LRCH4: variants seen among roughly 807,000 people sequenced by gnomAD.
LRCH4 encodes leucine-rich repeat and calponin homology domain-containing protein 4.
In LRCH4, 56 loss-of-function variants were observed where a neutral mutation model predicts 81.2. The ratio of observed to expected loss-of-function variants is 0.69; its 90% CI spans 0.56 to 0.86. The LOEUF (loss-of-function observed/expected upper bound fraction) is 0.86. Ranked by LOEUF, LRCH4 falls within the 40% of genes least tolerant of loss-of-function variation. The probability of loss-of-function intolerance (pLI) is 0.00; values close to 1 mark genes in which losing one functional copy is unlikely to be tolerated. For missense variants in LRCH4, 895 were observed against 922.8 expected (o/e 0.97, Z 0.39); for synonymous variants, 442 against 409.7 (o/e 1.08, Z -0.95).
intron 3 of LRCH4, 63 bp from the exon 4 acceptor site, chr7:100,581,945 A>G (rs1801572867): frequency 1.2e-6 from 2 of 1,609,156 alleles, no homozygotes; most frequent in South Asian, 2.2e-5. Context: ...CCACCCTCCC[A>G]TCTCTGTCTT....
chr7:100,581,975 C>T (rs1462912587), intron 3 of LRCH4, 66 bp downstream of exon 3: 2 of 1,603,790 alleles, frequency 1.2e-6, no homozygotes, highest in Admixed American at 3.4e-5. Context: ...CCCTCCCCAA[C>T]CTCCCCCTAG....
rs776255264 is a variant in LRCH4, at chr7:100,578,453, C to T, written c.794G>A (p.Arg265His). Reference protein sequence around the residue: ...FKYLSTEAGQRGSALGDLAPS... With the variant: ...FKYLSTEAGQHGSALGDLAPS... ...GGCCAGGTCCCCCAGGGCCGACCCA[C>T]GCTGCCCGGCCTCTGTGGACAAATA... The change falls in exon 6 of 18, where the codon CGT becomes CAT. Residue 265 changes from arginine to histidine, a missense_variant. Arg to His is a conservative substitution (Grantham distance 29). This residue lies in a region of LRCH4 where 360 missense variants were observed against 397.0 expected (regional missense o/e 0.91). Coordinates refer to ENST00000310300, the MANE Select transcript of LRCH4 (RefSeq NM_002319.5). The surrounding 1 kb of genome is among the most constrained non-coding windows in gnomAD (Gnocchi z 5.7). 3.5e-5 allele frequency: 56 copies of T among 1,613,952 alleles called. No homozygotes were observed. The highest frequency in any genetic ancestry group is 3.0e-4 in the South Asian group (27 of 91,070).
At position 100,574,299 on chromosome 7, in the gene LRCH4, G is replaced by C. The variant is rs1434312395; in HGVS notation, c.*808C>G. On this transcript the variant is annotated 3_prime_UTR_variant, in exon 18 of 18. Coordinates refer to ENST00000310300, the MANE Select transcript of LRCH4 (RefSeq NM_002319.5). The stretch of plus-strand genomic sequence containing the variant: ...TGGACGACAGCAGCGATGTAGGGGA[G>C]GCCCCTTCCCGGGGCCCCCTCCTCT... The C allele has an allele frequency of 5.6e-6, 1 of 177,068 alleles. No homozygotes were observed. The highest frequency in any genetic ancestry group is 1.3e-5 in the Non-Finnish European group (1 of 79,868). 11.0% of individuals were successfully genotyped at this position (177,068 alleles called of 1,614,324 possible). A position where few individuals can be genotyped will look rare whatever the true frequency, so the allele number is the denominator to read the frequency against.
In LRCH4 at chr7:100,582,220, A is replaced by G. The variant is rs1416343722; in HGVS notation, c.366-53T>C. 1.9e-6 allele frequency: 3 copies of G among 1,613,032 alleles called. No homozygotes were observed. The highest frequency in any genetic ancestry group is 2.5e-6 in the Non-Finnish European group (3 of 1,179,708). ...GGCTCCCCAGGCATGGCATCCCAGC[A>G]CTGCCATCCTCTCGGGGTCACTGGG... On this transcript the variant is annotated intron_variant, in intron 2 of 17. Transcript: ENST00000310300. The surrounding 1 kb of genome is among the most constrained non-coding windows in gnomAD (Gnocchi z 5.0).
Position 100,578,697 on chromosome 7 carries a change from G to C in LRCH4, c.688C>G (p.Gln230Glu), listed in dbSNP as rs1801447881. Residue 230 changes from glutamine to glutamate, a missense_variant, in exon 5 of 18, where the codon CAG becomes GAG. Transcript: ENST00000310300. This position sits in a 1 kb window ranked among gnomAD's most constrained non-coding sequence, Gnocchi z 5.7. ...GGGTTGCTGTCCAGCAGAATGACCT[G>C]CAGGTGCCTCAGGCGGCAGAAGGAG... Reference protein sequence around the residue: ...PVSFCRLRHLQVILLDSNPLQ... With the variant: ...PVSFCRLRHLEVILLDSNPLQ... 6.2e-7 allele frequency: 1 copy of C among 1,614,100 alleles called. No homozygotes were observed. Among genetic ancestry groups the C allele is most frequent in the Admixed American group, 1.7e-5 (1 of 60,006 alleles).
chr7:100,577,757 G>A lies in LRCH4; in HGVS notation c.1040-17C>T. 1 of 1,614,050 alleles carries A rather than the reference G, an allele frequency of 6.2e-7. No homozygotes were observed. Among genetic ancestry groups the A allele is most frequent in the Non-Finnish European group, 8.5e-7 (1 of 1,179,932 alleles). On this transcript the variant is annotated splice_polypyrimidine_tract_variant and intron_variant, in intron 8 of 17. Transcript: ENST00000310300. The surrounding 1 kb of genome is among the most constrained non-coding windows in gnomAD (Gnocchi z 6.7). ...CTCCGTCCGCTGGGGAGGCCAGCAT[G>A]TCAGCAAGTGAGCGGGGACCCAGGC...
In LRCH4 at chr7:100,582,684, T is replaced by C. The variant is rs1801598592; in HGVS notation, c.221-225A>G. Among the ~76,000 whole-genome samples the C allele has an allele frequency of 6.6e-6, 1 of 152,206 alleles. No homozygotes were observed. Among genetic ancestry groups the C allele is most frequent in the African/African-American group, 2.4e-5 (1 of 41,470 alleles). The stretch of plus-strand genomic sequence containing the variant: ...GGCAAAGGCCTTAGCGTCACTGGGC[T>C]AGAGAAGCCTCAGACTTGGGGGTTG... On this transcript the variant is annotated intron_variant, in intron 1 of 17. Coordinates refer to ENST00000310300, the MANE Select transcript of LRCH4 (RefSeq NM_002319.5). This position sits in a 1 kb window ranked among gnomAD's most constrained non-coding sequence, Gnocchi z 5.0.
Position 100,574,687 on chromosome 7 carries a change from A to C in LRCH4, c.*420T>G, listed in dbSNP as rs534114518. On this transcript the variant is annotated 3_prime_UTR_variant, in exon 18 of 18. Transcript: ENST00000310300. ...CGGTCTGTACAGTTTATACACAGAG[A>C]TAGGGACCCGGCCTGGGCCCCGAAC... 1 of 181,082 alleles carries C rather than the reference A, an allele frequency of 5.5e-6. No individual in the cohort carries two copies. Among genetic ancestry groups the C allele is most frequent in the South Asian group, 1.1e-4 (1 of 8,782 alleles). The allele number at this position is 181,082 out of a possible 1,614,324, so 11.2% of individuals were successfully genotyped here.
chr7:100,580,794 CACACAT>C (rs1286373771), intron 4 of LRCH4: 5 of 149,822 alleles, frequency 3.3e-5, no homozygotes, highest in African/African-American at 1.3e-4. Flanking sequence ...CAGACACAGA[CACACAT>C]ACACATGCAC....
chr7:100,577,447 T>TGGGGGGTGGGAGGATC lies in LRCH4; in HGVS notation c.1178+34_1178+49dup. 1 of 1,602,058 alleles carries TGGGGGGTGGGAGGATC rather than the reference T, an allele frequency of 6.2e-7. No homozygotes were observed. The highest frequency in any genetic ancestry group is 8.5e-7 in the Non-Finnish European group (1 of 1,179,638). ...CCCCGGGGTCAGGGAAGGAGGCGGT[T>TGGGGGGTGGGAGGATC]GGGGGGTGGGAGGATCGGGCAGTGG... On this transcript the variant is annotated intron_variant, in intron 10 of 17. Coordinates refer to ENST00000310300, the MANE Select transcript of LRCH4 (RefSeq NM_002319.5). The surrounding 1 kb of genome is among the most constrained non-coding windows in gnomAD (Gnocchi z 6.7).
chr7:100,579,504 G>A (rs1801467754), intron 4 of LRCH4: 1 of 151,866 alleles, frequency 6.6e-6, no homozygotes, highest in African/African-American at 2.4e-5. Context: ...GGCTGAGGCA[G>A]GAGAATGGCG....
In LRCH4 at chr7:100,578,903, C is replaced by A; in HGVS notation, c.599-117G>T. On this transcript the variant is annotated intron_variant, in intron 4 of 17. Coordinates refer to ENST00000310300, the MANE Select transcript of LRCH4 (RefSeq NM_002319.5). This position sits in a 1 kb window ranked among gnomAD's most constrained non-coding sequence, Gnocchi z 5.7. ...ACCCTGGGCCCAGCACAGCCTCTCCCCTGGGTGGCTCAAGTCATTCCCCGG... is the reference window on the plus strand; with the variant it reads ...ACCCTGGGCCCAGCACAGCCTCTCCACTGGGTGGCTCAAGTCATTCCCCGG... 1 of 1,104,536 alleles carries A rather than the reference C, an allele frequency of 9.1e-7. No homozygotes were observed. The highest frequency in any genetic ancestry group is 1.3e-6 in the Non-Finnish European group (1 of 772,974). 68.4% of individuals were successfully genotyped at this position (1,104,536 alleles called of 1,614,324 possible).
At position 100,575,805 on chromosome 7, in the gene LRCH4, A is replaced by G. The variant is rs540537209; in HGVS notation, c.1777-23T>C. On this transcript the variant is annotated intron_variant, in intron 16 of 17. Transcript: ENST00000310300. This position sits in a 1 kb window ranked among gnomAD's most constrained non-coding sequence, Gnocchi z 5.3. ...TGGCTGGGGTGGGTGAAAGAAGAAA[A>G]TGTGGTAAGGGAGAGGCCACAGGCG... The G allele has an allele frequency of 1.7e-5, 28 of 1,607,318 alleles. No individual in the cohort carries two copies. In the South Asian group the frequency reaches 2.8e-4, roughly 16 times the overall value.
rs748664933 is a variant in LRCH4, at chr7:100,575,537, ACATGCAGGGCAGGGGG to A, written c.1854+152_1854+167del. On this transcript the variant is annotated intron_variant, in intron 17 of 17. Transcript: ENST00000310300. This position sits in a 1 kb window ranked among gnomAD's most constrained non-coding sequence, Gnocchi z 5.3. ...GGGCAGGGGATGTGTAGGACAGGTGACATGCAGGGCAGGGGGCATGCAGGGCAGGGGGCATGCTGGG... is the reference window on the plus strand; with the variant it reads ...GGGCAGGGGATGTGTAGGACAGGTGACATGCAGGGCAGGGGGCATGCTGGG... 205 of 912,730 alleles carry A rather than the reference ACATGCAGGGCAGGGGG, an allele frequency of 2.2e-4. No homozygotes were observed. Among genetic ancestry groups the A allele is most frequent in the East Asian group, 4.1e-4 (17 of 41,656 alleles). 56.5% of individuals were successfully genotyped at this position (912,730 alleles called of 1,614,324 possible). A position where few individuals can be genotyped will look rare whatever the true frequency, so the allele number is the denominator to read the frequency against.
Position 100,577,123 on chromosome 7 carries a change from C to G in LRCH4, c.1327G>C (p.Gly443Arg). The change falls in exon 12 of 18, where the codon GGA (glycine) becomes CGA (arginine). Residue 443 changes from glycine (G) to arginine (R), a missense_variant. This residue lies in a region of LRCH4 where 529 missense variants were observed against 504.9 expected (regional missense o/e 1.05). Transcript: ENST00000310300. The surrounding 1 kb of genome is among the most constrained non-coding windows in gnomAD (Gnocchi z 6.7). ...LLKPGLRAVV[G>R]GAAAVSTQAM... ...TGAGTGGACACGGCGGCGGCCCCTCCCACAACAGCCCTGAGCCCTGGCTTC... is the reference window on the plus strand; with the variant it reads ...TGAGTGGACACGGCGGCGGCCCCTCGCACAACAGCCCTGAGCCCTGGCTTC... The G allele has an allele frequency of 6.2e-7, 1 of 1,614,108 alleles. No homozygotes were observed. The highest frequency in any genetic ancestry group is 8.5e-7 in the Non-Finnish European group (1 of 1,180,004).
rs766967183 is a variant in LRCH4 at position 100,575,206 on chromosome 7, C to T, written c.1953G>A (p.Pro651=). 2.2e-5 allele frequency: 35 copies of T among 1,611,490 alleles called. 1 individual carries two copies. Among genetic ancestry groups the T allele is most frequent in the East Asian group, 4.5e-5 (2 of 44,828 alleles). The change falls in exon 18 of 18, where the codon CCG becomes CCA. Residue 651 remains proline (P), a synonymous_variant. Transcript: ENST00000310300. The surrounding 1 kb of genome is among the most constrained non-coding windows in gnomAD (Gnocchi z 5.3). ...CCAGACCAGAGGGGGGCCAGAGGGG[C>T]GGTAGGGCCTTGCCCCCCACCCGCT... ...AVKRVGGKAL[P]PLWPPSGLGG... is the part of the protein sequence containing the mutation.
chr7:100,585,173 G>A (rs1385822985), intron 1 of LRCH4: 2 of 198,772 alleles, frequency 1.0e-5, no homozygotes, highest in Non-Finnish European at 2.1e-5. Flanking sequence ...AGCAGAAACT[G>A]AAATGGGAAT....
chr7:100,586,108 C>T lies in LRCH4; in HGVS notation c.-8G>A, dbSNP rs913509305. ...CGCTACGGCCGCCGCCATCCGCTCCCGGCGGCTCCCGCTGCCTGACTGACG... is the reference window on the plus strand; with the variant it reads ...CGCTACGGCCGCCGCCATCCGCTCCTGGCGGCTCCCGCTGCCTGACTGACG... On this transcript the variant is annotated 5_prime_UTR_variant, in exon 1 of 18. Coordinates refer to ENST00000310300, the MANE Select transcript of LRCH4 (RefSeq NM_002319.5). 17 of 1,512,810 alleles carry T rather than the reference C, an allele frequency of 1.1e-5. No homozygotes were observed. Among genetic ancestry groups the T allele is most frequent in the Admixed American group, 4.2e-5 (2 of 47,590 alleles). The allele number at this position is 1,512,810 out of a possible 1,614,324, so 93.7% of individuals were successfully genotyped here.
rs532401978 is a variant in LRCH4, at chr7:100,577,213, G to C, written c.1296-59C>G. The C allele has an allele frequency of 3.1e-6, 5 of 1,609,086 alleles. No individual in the cohort carries two copies. The highest frequency in any genetic ancestry group is 1.1e-5 in the South Asian group (1 of 91,028). The stretch of plus-strand genomic sequence containing the variant: ...AAGGCAGAACGGCTCAGCGGGGCTC[G>C]GTGGCCCCATTTCCAGGGCTCAGTG... On this transcript the variant is annotated intron_variant, in intron 11 of 17. Transcript: ENST00000310300. The surrounding 1 kb of genome is among the most constrained non-coding windows in gnomAD (Gnocchi z 6.7).
Sources: gnomAD v4.1 joint callset for allele counts (sites outside exome capture counted in the v4.1 genomes callset) on GRCh38, gnomAD v4.1.1 for gene constraint, gnomAD v4.1.1 regional missense constraint, Gnocchi (gnomAD v3.1) non-coding constraint, MANE v1.5 for transcripts, NCBI Gene and HGNC (gene_info 2026-07-23, HGNC 2026-07-21) for gene names.